The following KLHL32 variants were observed in gnomAD, a reference collection of about 807,000 sequenced individuals.
The protein encoded by KLHL32 is kelch like family member 32, also known as kelch-like protein 32.
Under a neutral mutation model 64.8 loss-of-function variants are expected in KLHL32, and 35 were observed. That is an observed-to-expected ratio of 0.54 (90% CI 0.41 to 0.72). The LOEUF (loss-of-function observed/expected upper bound fraction) is 0.72. Ranked by LOEUF, KLHL32 falls within the 30% of genes least tolerant of loss-of-function variation. The probability of loss-of-function intolerance (pLI) is 0.00; values close to 1 mark genes in which losing one functional copy is unlikely to be tolerated. For missense variants in KLHL32, 589 were observed against 768.5 expected, an observed-to-expected ratio of 0.77 and a Z score of 2.76; for synonymous variants, 259 against 281.0, an observed-to-expected ratio of 0.92 and a Z score of 0.78.
At position 96,924,839 on chromosome 6, in the gene KLHL32, T is replaced by C. The variant is rs1023349845; in HGVS notation, c.-253T>C. ...CACACACACACACACACACACACTT[T>C]CGCACACACAAACACGCTAGGACGC... On this transcript the variant is annotated 5_prime_UTR_variant, in exon 1 of 11. Coordinates refer to ENST00000369261, the MANE Select transcript of KLHL32 (RefSeq NM_052904.4). 7.1e-6 allele frequency: 1 copy of C among 141,234 alleles called. No individual in the cohort carries two copies. Among genetic ancestry groups the C allele is most frequent in the African/African-American group, 2.6e-5 (1 of 38,698 alleles). 8.7% of individuals were successfully genotyped at this position (141,234 alleles called of 1,614,324 possible).
At chr6:96,905,678 A>T in the KLHL32 span, among the ~76,000 whole-genome samples, 1 of 152,244 alleles carries the variant, frequency 6.6e-6, no homozygotes, top group South Asian at 2.1e-4. Context: ...TACAGTAAAC[A>T]TTCAAAAACT....
chr6:96,934,789 G>A (rs1377363946), intron 1 of KLHL32, among the ~76,000 whole-genome samples: 1 of 152,194 alleles, frequency 6.6e-6, no homozygotes, highest in Non-Finnish European at 1.5e-5. Context: ...CATTGATAGT[G>A]ATTACATGGC....
chr6:97,080,388 G>A (rs188182358), intron 5 of KLHL32, among the ~76,000 whole-genome samples: 1 of 152,266 alleles, frequency 6.6e-6, no homozygotes, highest in Admixed American at 6.5e-5. Flanking sequence ...AACAGAAAAA[G>A]CTCATGGGTA....
intron 10 of KLHL32, among the ~76,000 whole-genome samples, chr6:97,135,379 C>T (rs776696010): frequency 5.0e-5 from 7 of 140,090 alleles, no homozygotes; most frequent in Non-Finnish European, 1.1e-4. Context: ...GATCTTGGCT[C>T]ACTGCAACTT....
At chr6:97,064,488 T>C (rs1379248072) in intron 4 of KLHL32, 140 bp from the exon 5 acceptor site, 4 of 644,216 alleles carry the variant, frequency 6.2e-6, no homozygotes, top group Non-Finnish European at 1.1e-5. Context: ...AAGAACTGAC[T>C]TCCATAAAAA....
At chr6:96,998,369 C>T (rs1778642339) in intron 3 of KLHL32, among the ~76,000 whole-genome samples, 1 of 152,138 alleles carries the variant, frequency 6.6e-6, no homozygotes, top group African/African-American at 2.4e-5. Flanking sequence ...CTGATTAAAA[C>T]AGTTCTCAAA....
At chr6:97,118,371 C>G (rs1207652461) in intron 7 of KLHL32, among the ~76,000 whole-genome samples, 6 of 152,132 alleles carry the variant, frequency 3.9e-5, no homozygotes, top group Non-Finnish European at 5.9e-5. Context: ...GTAATCCCAG[C>G]ACTTTGGGAG....
At chr6:97,067,444 G>T (rs1789972068) in intron 5 of KLHL32, among the ~76,000 whole-genome samples, 1 of 152,012 alleles carries the variant, frequency 6.6e-6, no homozygotes, top group South Asian at 2.1e-4. Flanking sequence ...CTAATTGATG[G>T]GGGGGTGCCT....
chr6:97,004,817 A>G (rs1485926511), intron 3 of KLHL32, among the ~76,000 whole-genome samples: 2 of 152,174 alleles, frequency 1.3e-5, no homozygotes, highest in Non-Finnish European at 2.9e-5. Flanking sequence ...CTTCCCAAGG[A>G]AAAAGCCTAT....
intron 2 of KLHL32, among the ~76,000 whole-genome samples, chr6:96,974,304 CT>C (rs1378222214): frequency 1.3e-5 from 2 of 152,168 alleles, no homozygotes; most frequent in African/African-American, 2.4e-5. Flanking sequence ...TAAAGCTTTA[CT>C]TGGCTGATAC....
chr6:96,987,818 T>G (rs1777304262), intron 3 of KLHL32, among the ~76,000 whole-genome samples: 1 of 152,200 alleles, frequency 6.6e-6, no homozygotes, highest in South Asian at 2.1e-4. Context: ...AACCATCTGA[T>G]CTTTGACAAA....
chr6:97,048,176 G>C (rs1000193048), intron 4 of KLHL32, among the ~76,000 whole-genome samples: 1 of 152,166 alleles, frequency 6.6e-6, no homozygotes, highest in African/African-American at 2.4e-5. Context: ...CCAAATGATA[G>C]TGACGTTTAT....
chr6:96,933,659 G>A (rs997532967), intron 1 of KLHL32, among the ~76,000 whole-genome samples: 3 of 152,178 alleles, frequency 2.0e-5, no homozygotes, highest in African/African-American at 7.2e-5. Context: ...TTTCTATGTG[G>A]TGGAATAGCA....
At chr6:96,901,328 C>CTT in the KLHL32 span, among the ~76,000 whole-genome samples, 1 of 147,084 alleles carries the variant, frequency 6.8e-6, no homozygotes. Context: ...TCCTGGATGC[C>CTT]TTTTTTTTTT....
intron 3 of KLHL32, among the ~76,000 whole-genome samples, chr6:96,998,032 A>G (rs1329922214): frequency 1.3e-5 from 2 of 152,216 alleles, no homozygotes; most frequent in Non-Finnish European, 2.9e-5. Flanking sequence ...ATGGCAGCAT[A>G]ACATTGACAG....
intron 6 of KLHL32, among the ~76,000 whole-genome samples, chr6:97,085,577 T>C (rs1793288088): frequency 6.6e-6 from 1 of 152,188 alleles, no homozygotes; most frequent in Admixed American, 6.5e-5. Flanking sequence ...CATGAGACCC[T>C]CACTGTGGCT....
rs901418447 is a variant in KLHL32 at position 96,996,156 on chromosome 6, A to G, written c.204+19979A>G. Among the ~76,000 whole-genome samples, 7 of 152,306 alleles carry G rather than the reference A, an allele frequency of 4.6e-5. No individual in the cohort carries two copies. The South Asian group carries it at 1.4e-3, about 32-fold the overall frequency. On this transcript the variant is annotated intron_variant, in intron 3 of 10. Coordinates refer to ENST00000369261, the MANE Select transcript of KLHL32 (RefSeq NM_052904.4). ...TAGGTTCTGGAAGCTGTTGTCTAACATTTGCTATCTCCAGCTTAAATCTCC... is the reference window on the plus strand; with the variant it reads ...TAGGTTCTGGAAGCTGTTGTCTAACGTTTGCTATCTCCAGCTTAAATCTCC...
At chr6:97,067,889 T>C (rs1183530866) in intron 5 of KLHL32, among the ~76,000 whole-genome samples, 1 of 152,170 alleles carries the variant, frequency 6.6e-6, no homozygotes, top group Non-Finnish European at 1.5e-5. Context: ...GGCAGAGTTT[T>C]CATATTGGGA....
intron 4 of KLHL32, among the ~76,000 whole-genome samples, chr6:97,043,701 C>G (rs1324890041): frequency 1.8e-4 from 28 of 151,876 alleles, no homozygotes. Flanking sequence ...AGGTTTTTCT[C>G]CACACCCTCA....
Sources: gnomAD v4.1 joint callset for allele counts (sites outside exome capture counted in the v4.1 genomes callset) on GRCh38, gnomAD v4.1.1 for gene constraint, MANE v1.5 for transcripts, NCBI Gene and HGNC (gene_info 2026-07-23, HGNC 2026-07-21) for gene names.